SLC9D1: variants seen among roughly 807,000 people sequenced by gnomAD.
SLC9D1 encodes the protein solute carrier family 9 member D1.
chr13:113,538,532 C>T, the SLC9D1 span, among the ~76,000 whole-genome samples: 3 of 152,198 alleles, frequency 2.0e-5, no homozygotes, highest in African/African-American at 4.8e-5. Flanking sequence ...AGGGAGCATC[C>T]GCCGCTCCGC....
At chr13:113,544,117 C>T in the SLC9D1 span, among the ~76,000 whole-genome samples, 1 of 152,248 alleles carries the variant, frequency 6.6e-6, no homozygotes, top group Non-Finnish European at 1.5e-5. Context: ...ACAGATGTGT[C>T]CGGGCTGCCT....
chr13:113,493,695 T>C, the SLC9D1 span, among the ~76,000 whole-genome samples: 15 of 152,210 alleles, frequency 9.9e-5, no homozygotes, highest in Non-Finnish European at 1.5e-4. Context: ...GGAGTGTGCT[T>C]CTCCTTTTGG....
the SLC9D1 span, among the ~76,000 whole-genome samples, chr13:113,515,150 A>G: frequency 4.6e-5 from 7 of 152,248 alleles, no homozygotes; most frequent in African/African-American, 9.6e-5. Context: ...TTCCATTTCT[A>G]TATACATATC....
chr13:113,494,877 A>C, the SLC9D1 span, among the ~76,000 whole-genome samples: 1 of 146,410 alleles, frequency 6.8e-6, no homozygotes, highest in Admixed American at 6.7e-5. Flanking sequence ...GATAACATGG[A>C]CTTTCTGTTT....
the SLC9D1 span, chr13:113,534,064 C>T: frequency 1.1e-5 from 17 of 1,605,954 alleles, no homozygotes; most frequent in South Asian, 1.1e-5. Context: ...GGAAGTTCTC[C>T]GAATCCTGGT....
the SLC9D1 span, among the ~76,000 whole-genome samples, chr13:113,506,531 A>G: frequency 2.6e-3 from 391 of 150,578 alleles, 1 homozygote; most frequent in African/African-American, 9.2e-3. Context: ...CCTCCATTCC[A>G]TGGTGCAGCA....
At chr13:113,513,454 G>A in the SLC9D1 span, among the ~76,000 whole-genome samples, 1 of 152,172 alleles carries the variant, frequency 6.6e-6, no homozygotes, top group Non-Finnish European at 1.5e-5. Context: ...AGATGTTTGA[G>A]TTTGTTTTTT....
chr13:113,506,416 G>A, the SLC9D1 span, among the ~76,000 whole-genome samples: 1 of 128,136 alleles, frequency 7.8e-6, no homozygotes, highest in Non-Finnish European at 1.6e-5. Flanking sequence ...AGTGGGCCGC[G>A]TGGCTGCCTG....
the SLC9D1 span, chr13:113,495,846 A>G: frequency 1.2e-6 from 2 of 1,614,190 alleles, no homozygotes; most frequent in Non-Finnish European, 1.7e-6. Flanking sequence ...GGATGAAGAG[A>G]AACTGTTTCA....
chr13:113,521,541 A>G, the SLC9D1 span, among the ~76,000 whole-genome samples: 1 of 152,028 alleles, frequency 6.6e-6, no homozygotes, highest in African/African-American at 2.4e-5. Context: ...GTACATCTGC[A>G]TGCGTGTGTG....
At chr13:113,541,318 G>GTC in the SLC9D1 span, among the ~76,000 whole-genome samples, 4 of 148,874 alleles carry the variant, frequency 2.7e-5, no homozygotes, top group African/African-American at 1.0e-4. Flanking sequence ...CTTTATTACC[G>GTC]CTGAGTTGTG....
chr13:113,499,980 C>T, the SLC9D1 span: 7 of 1,519,608 alleles, frequency 4.6e-6, no homozygotes, highest in Non-Finnish European at 6.2e-6. Flanking sequence ...AATTTTGAGG[C>T]AGTTCTGAGG....
chr13:113,500,244 T>G, the SLC9D1 span: 15 of 714,850 alleles, frequency 2.1e-5, no homozygotes, highest in East Asian at 3.9e-4. Flanking sequence ...GGCACAGCCT[T>G]CCTTCTAGCA....
chr13:113,548,694 T>G, the SLC9D1 span, among the ~76,000 whole-genome samples: 1 of 152,254 alleles, frequency 6.6e-6, no homozygotes, highest in Non-Finnish European at 1.5e-5. Flanking sequence ...TCTAATTAAA[T>G]GTCAGATATT....
chr13:113,544,882 T>C, the SLC9D1 span, among the ~76,000 whole-genome samples: 2 of 152,278 alleles, frequency 1.3e-5, no homozygotes, highest in African/African-American at 2.4e-5. Context: ...CAGCAGGTGT[T>C]CGTCCATAAA....
At chr13:113,513,182 C>T in the SLC9D1 span, among the ~76,000 whole-genome samples, 146 of 152,228 alleles carry the variant, frequency 9.6e-4, no homozygotes, top group African/African-American at 3.3e-3. Context: ...TCCTCGGCAA[C>T]GTCAGATGGT....
chr13:113,499,886 GT>G, the SLC9D1 span: 9 of 888,426 alleles, frequency 1.0e-5, no homozygotes, highest in Non-Finnish European at 1.4e-5. Flanking sequence ...ACATTCTTCT[GT>G]TTAGCGTTCA....
chr13:113,513,847 G>C, the SLC9D1 span, among the ~76,000 whole-genome samples: 1 of 152,096 alleles, frequency 6.6e-6, no homozygotes, highest in East Asian at 1.9e-4. Context: ...GTACCAAAAA[G>C]CTAAGAATAG....
the SLC9D1 span, among the ~76,000 whole-genome samples, chr13:113,507,017 G>A: frequency 4.2e-4 from 64 of 152,162 alleles, no homozygotes; most frequent in African/African-American, 1.3e-3. Flanking sequence ...AGTCAGATGC[G>A]TGGAAGGACA....
Sources: gnomAD v4.1 joint callset for allele counts (sites outside exome capture counted in the v4.1 genomes callset) on GRCh38, gnomAD v4.1.1 for gene constraint, MANE v1.5 for transcripts, NCBI Gene and HGNC (gene_info 2026-07-23, HGNC 2026-07-21) for gene names.